The following CSMD1 variants were observed in gnomAD, a reference collection of about 807,000 sequenced individuals.
CSMD1 encodes the protein CUB and sushi domain-containing protein 1.
Under a neutral mutation model 417.5 loss-of-function variants are expected in CSMD1, and 213 were observed. That is an observed-to-expected ratio of 0.51 (90% CI 0.46 to 0.57). The LOEUF (loss-of-function observed/expected upper bound fraction) is 0.57. Ranked by LOEUF, CSMD1 falls within the 20% of genes least tolerant of loss-of-function variation. The pLI, the probability that CSMD1 is intolerant of heterozygous loss-of-function variation, is 0.00. For synonymous variants in CSMD1, 2,862 were observed against 1,736.8 expected (o/e 1.65, Z -16.11); for missense variants, 6,923 against 4,529.7 (o/e 1.53, Z -15.17).
chr8:4,330,218 G>A (rs934288753), intron 3 of CSMD1, among the ~76,000 whole-genome samples: 2 of 151,952 alleles, frequency 1.3e-5, no homozygotes, highest in South Asian at 2.1e-4. Context: ...ACACCCGTCA[G>A]ATCCACCTGT....
intron 2 of CSMD1, among the ~76,000 whole-genome samples, chr8:4,478,911 C>G (rs1478093463): frequency 2.0e-5 from 3 of 152,148 alleles, no homozygotes; most frequent in Admixed American, 6.5e-5. Context: ...AATTTAGTTT[C>G]TGGCAATTGT....
chr8:3,728,303 C>T (rs190542637), intron 6 of CSMD1, among the ~76,000 whole-genome samples: 9 of 152,124 alleles, frequency 5.9e-5, no homozygotes, highest in East Asian at 1.9e-4. Flanking sequence ...CTTCCTTCAT[C>T]TTCCACCATG....
intron 5 of CSMD1, among the ~76,000 whole-genome samples, chr8:3,885,500 A>C (rs1806501593): frequency 6.6e-6 from 1 of 152,180 alleles, no homozygotes; most frequent in Non-Finnish European, 1.5e-5. Flanking sequence ...ACTCTCGAAA[A>C]ATGTCTCTAG....
intron 7 of CSMD1, among the ~76,000 whole-genome samples, chr8:3,642,426 T>C (rs1043872504): frequency 6.6e-6 from 1 of 152,278 alleles, no homozygotes; most frequent in Admixed American, 6.5e-5. Flanking sequence ...TTATGATACC[T>C]ATATGGCTCT....
intron 5 of CSMD1, among the ~76,000 whole-genome samples, chr8:3,932,699 T>A (rs141620826): frequency 6.6e-6 from 1 of 150,558 alleles, no homozygotes; most frequent in Admixed American, 6.6e-5. Flanking sequence ...TCGTAATTCA[T>A]TGTGGTGGAC....
intron 5 of CSMD1, among the ~76,000 whole-genome samples, chr8:3,816,784 A>G (rs539463394): frequency 2.0e-5 from 3 of 152,144 alleles, no homozygotes; most frequent in African/African-American, 7.2e-5. Flanking sequence ...TTTTTTTAAA[A>G]TATGGTATAC....
intron 1 of CSMD1, among the ~76,000 whole-genome samples, chr8:4,821,284 TG>T (rs1366791303): frequency 6.6e-6 from 1 of 152,148 alleles, no homozygotes; most frequent in Non-Finnish European, 1.5e-5. Flanking sequence ...ATGAATAGGC[TG>T]GGAACATGTG....
At chr8:4,245,583 G>C (rs960871720) in intron 3 of CSMD1, among the ~76,000 whole-genome samples, 2 of 152,128 alleles carry the variant, frequency 1.3e-5, no homozygotes, top group Non-Finnish European at 2.9e-5. Flanking sequence ...GTTCACAATC[G>C]ATCAGCTGGT....
rs150854485 is a variant in CSMD1, at chr8:3,060,372, C to A, written c.7475-7725G>T. 3.3e-3 allele frequency among the ~76,000 whole-genome samples: 499 copies of A among 152,162 alleles called. 1 individual carries two copies. The highest frequency in any genetic ancestry group is 0.011 in the African/African-American group (473 of 41,522). ...TGTTGGCCAGACTGATCTTGAACTCCTGAACTCCTTGAACTCCTTGAACTC... is the reference window on the plus strand; with the variant it reads ...TGTTGGCCAGACTGATCTTGAACTCATGAACTCCTTGAACTCCTTGAACTC... On this transcript the variant is annotated intron_variant, in intron 49 of 69. Coordinates refer to ENST00000635120, the MANE Select transcript of CSMD1 (RefSeq NM_033225.6).
At chr8:4,541,608 C>A (rs1435608033) in intron 2 of CSMD1, among the ~76,000 whole-genome samples, 1 of 152,020 alleles carries the variant, frequency 6.6e-6, no homozygotes, top group Non-Finnish European at 1.5e-5. Context: ...ATTAGCCGGG[C>A]ATGGTGGCAA....
chr8:4,891,738 T>C (rs1804137584), intron 1 of CSMD1, among the ~76,000 whole-genome samples: 1 of 152,042 alleles, frequency 6.6e-6, no homozygotes, highest in Admixed American at 6.5e-5. Flanking sequence ...AAATACTGAA[T>C]TAATTATTTC....
chr8:3,709,998 G>C (rs560418789), intron 6 of CSMD1, among the ~76,000 whole-genome samples: 1 of 151,600 alleles, frequency 6.6e-6, no homozygotes, highest in Non-Finnish European at 1.5e-5. Context: ...ATATCTTTTG[G>C]CTCCCCCAAA....
At chr8:4,509,425 G>T (rs915910093) in intron 2 of CSMD1, among the ~76,000 whole-genome samples, 2 of 152,118 alleles carry the variant, frequency 1.3e-5, no homozygotes, top group Non-Finnish European at 2.9e-5. Context: ...GAAATGTAAA[G>T]AATTAATTAA....
chr8:3,238,734 C>T (rs541746970), intron 26 of CSMD1, among the ~76,000 whole-genome samples: 8 of 152,184 alleles, frequency 5.3e-5, no homozygotes, highest in African/African-American at 1.7e-4. Flanking sequence ...AGAATTGGGA[C>T]CACCCAGGAC....
chr8:3,270,117 T>C (rs1801731381), intron 26 of CSMD1, among the ~76,000 whole-genome samples: 1 of 134,584 alleles, frequency 7.4e-6, no homozygotes, highest in Non-Finnish European at 1.6e-5. Flanking sequence ...TGGCACTGTC[T>C]TGGCCCACTG....
intron 7 of CSMD1, among the ~76,000 whole-genome samples, chr8:3,697,946 A>G (rs1177899153): frequency 6.6e-6 from 1 of 152,210 alleles, no homozygotes; most frequent in East Asian, 1.9e-4. Flanking sequence ...TGTATGCTGA[A>G]ACCACTTGAA....
chr8:4,377,483 T>G lies in CSMD1; in HGVS notation c.415+42470A>C, dbSNP rs117871472. Among the ~76,000 whole-genome samples the G allele has an allele frequency of 3.3e-3, 500 of 152,304 alleles. 25 individuals are homozygous for G. In the East Asian group the frequency reaches 0.084, roughly 26 times the overall value. ...TAAATTACTAACAAGTCAATTTGAC[T>G]ATATTTTAAAGGTTCTCCAAAGATC... On this transcript the variant is annotated intron_variant, in intron 3 of 69. Transcript: ENST00000635120.
intron 10 of CSMD1, among the ~76,000 whole-genome samples, chr8:3,559,421 T>C (rs1277803218): frequency 2.6e-5 from 4 of 152,196 alleles, no homozygotes; most frequent in Non-Finnish European, 4.4e-5. Flanking sequence ...TCTGGGAATA[T>C]ACGCAACATA....
intron 3 of CSMD1, among the ~76,000 whole-genome samples, chr8:4,384,450 T>G (rs1032888620): frequency 2.0e-5 from 3 of 152,194 alleles, no homozygotes; most frequent in African/African-American, 7.2e-5. Flanking sequence ...CTTGCTGGTT[T>G]TTTCAAATAA....
Sources: allele counts gnomAD v4.1 joint callset (sites outside exome capture counted in the v4.1 genomes callset), GRCh38; gene constraint gnomAD v4.1.1; transcripts MANE v1.5; gene names NCBI Gene and HGNC (gene_info 2026-07-23, HGNC 2026-07-21).